The following SENP2 variants were observed in gnomAD, a reference collection of about 807,000 sequenced individuals.
SENP2 encodes the protein sentrin-specific protease 2.
SENP2 carries 16 observed loss-of-function variants against 86.3 expected under a neutral mutation model. The ratio of observed to expected loss-of-function variants is 0.19; its 90% CI spans 0.13 to 0.28. The LOEUF is 0.28. Among genes scored for constraint, SENP2 ranks in the 10% least tolerant of loss-of-function variants. The probability of loss-of-function intolerance (pLI) is 1.00; values close to 1 mark genes in which losing one functional copy is unlikely to be tolerated. For synonymous variants in SENP2, 222 were observed against 238.7 expected, an observed-to-expected ratio of 0.93 and a Z score of 0.64; for missense variants, 552 against 703.0, an observed-to-expected ratio of 0.79 and a Z score of 2.43.
intron 13 of SENP2, among the ~76,000 whole-genome samples, chr3:185,619,755 T>TA (rs1711770894): frequency 6.6e-6 from 1 of 152,062 alleles, no homozygotes; most frequent in Non-Finnish European, 1.5e-5. Context: ...ACAGACCAGG[T>TA]CTCGCTCTGT....
chr3:185,608,987 A>C (rs1722601649), intron 6 of SENP2: 1 of 282,258 alleles, frequency 3.5e-6, no homozygotes, highest in African/African-American at 2.2e-5. Flanking sequence ...AGATGCCATC[A>C]GAATTTAGCA....
In SENP2 at chr3:185,621,915, G is replaced by C. The variant is rs376702743; in HGVS notation, c.1526+10G>C. The stretch of plus-strand genomic sequence containing the variant: ...TCTGTGAGATTCTCCTGTAAGTAAA[G>C]GTTGAAAACCTCACTACCCCCTGTT... On this transcript the variant is annotated intron_variant, in intron 14 of 16. Coordinates refer to ENST00000296257, the MANE Select transcript of SENP2 (RefSeq NM_021627.3). The C allele has an allele frequency of 1.1e-5, 17 of 1,593,554 alleles. No homozygotes were observed. The highest frequency in any genetic ancestry group is 1.5e-5 in the Non-Finnish European group (17 of 1,162,878).
At chr3:185,611,539 A>G in intron 7 of SENP2, 112 bp from the exon 8 acceptor site, 1 of 617,766 alleles carries the variant, frequency 1.6e-6, no homozygotes, top group Middle Eastern at 2.7e-4. Context: ...AATTTGATAT[A>G]ATAGTGTAAT....
At position 185,629,777 on chromosome 3, in the gene SENP2, T is replaced by C; in HGVS notation, c.1708-5T>C. The C allele has an allele frequency of 1.2e-6, 2 of 1,614,166 alleles. No individual in the cohort carries two copies. Among genetic ancestry groups the C allele is most frequent in the Non-Finnish European group, 1.7e-6 (2 of 1,179,996 alleles). The stretch of plus-strand genomic sequence containing the variant: ...TGCGGGCGTTGTTTATGGGGTTCTT[T>C]GCAGCACCAGATGCCTCTCTTCCGG... On this transcript the variant is annotated splice_region_variant and splice_polypyrimidine_tract_variant and intron_variant, in intron 16 of 16. Transcript: ENST00000296257.
In SENP2 at chr3:185,600,758, T is replaced by TA; in HGVS notation, c.359-4dup. 1 of 1,556,994 alleles carries TA rather than the reference T, an allele frequency of 6.4e-7. No individual in the cohort carries two copies. Among genetic ancestry groups the TA allele is most frequent in the East Asian group, 2.2e-5 (1 of 44,546 alleles). On this transcript the variant is annotated splice_region_variant and splice_polypyrimidine_tract_variant and intron_variant, in intron 4 of 16. Coordinates refer to ENST00000296257, the MANE Select transcript of SENP2 (RefSeq NM_021627.3). ...ATTTTACAATTACAAATGCATTTTT[T>TA]AAATAGGTAATAAATCTCCTAATGG...
intron 5 of SENP2, among the ~76,000 whole-genome samples, chr3:185,603,385 G>A (rs189325478): frequency 1.2e-3 from 181 of 152,266 alleles, no homozygotes; most frequent in African/African-American, 3.3e-3. Context: ...CTGCAAAAAC[G>A]ATAGACTCTA....
intron 2 of SENP2, among the ~76,000 whole-genome samples, chr3:185,591,955 T>C (rs1722012753): frequency 6.8e-6 from 1 of 146,528 alleles, no homozygotes; most frequent in African/African-American, 2.5e-5. Context: ...AGGCTGAAAA[T>C]AGGCAGCAGT....
intron 2 of SENP2, among the ~76,000 whole-genome samples, chr3:185,598,133 C>G (rs1421428272): frequency 6.6e-6 from 1 of 152,166 alleles, no homozygotes; most frequent in African/African-American, 2.4e-5. Context: ...CCACCTCAGC[C>G]TCCCAGGTAG....
At chr3:185,628,771 G>T (rs1466592070) in intron 16 of SENP2, among the ~76,000 whole-genome samples, 2 of 152,212 alleles carry the variant, frequency 1.3e-5, no homozygotes, top group African/African-American at 2.4e-5. Context: ...CTCCCAAAGT[G>T]CTGGGATTAC....
intron 13 of SENP2, among the ~76,000 whole-genome samples, chr3:185,620,106 AAGCTGGCATGC>A (rs1054757516): frequency 9.4e-5 from 14 of 149,686 alleles, no homozygotes; most frequent in Middle Eastern, 6.8e-3. Context: ...TCTGCCACCC[AAGCTGGCATGC>A]AGTGGCACAA....
At chr3:185,622,962 T>C (rs1178011603) in intron 14 of SENP2, among the ~76,000 whole-genome samples, 1 of 151,544 alleles carries the variant, frequency 6.6e-6, no homozygotes, top group East Asian at 1.9e-4. Context: ...GAGTACAGGC[T>C]TCCGTCACTA....
intron 6 of SENP2, among the ~76,000 whole-genome samples, chr3:185,608,591 A>C (rs1325506715): frequency 1.3e-5 from 2 of 152,180 alleles, no homozygotes; most frequent in Non-Finnish European, 2.9e-5. Context: ...CACATTTCTG[A>C]ATCTTTAACC....
rs78013191 is a variant in SENP2, at chr3:185,625,439, A to T, written c.1612-859A>T. Among the ~76,000 whole-genome samples the T allele has an allele frequency of 5.6e-3, 853 of 151,716 alleles. 18 individuals carry two copies. Among genetic ancestry groups the T allele is most frequent in the Admixed American group, 0.028 (418 of 15,154 alleles). ...AGGCAAACTTTAAAAATCATAATCA[A>T]CTTCATTTCTTTGAGTAAAAATTGA... is the stretch of plus-strand genomic sequence containing the variant. On this transcript the variant is annotated intron_variant, in intron 15 of 16. Transcript: ENST00000296257.
At chr3:185,622,731 A>T (rs1711945983) in intron 14 of SENP2, among the ~76,000 whole-genome samples, 1 of 151,608 alleles carries the variant, frequency 6.6e-6, no homozygotes, top group African/African-American at 2.4e-5. Flanking sequence ...TCCCATGTAT[A>T]GAAATGTTCT....
intron 11 of SENP2, among the ~76,000 whole-genome samples, chr3:185,616,104 G>A (rs546645579): frequency 7.1e-4 from 104 of 145,706 alleles, no homozygotes; most frequent in Middle Eastern, 3.6e-3. Context: ...CTCATGATCC[G>A]CCCGTCTTGG....
At chr3:185,617,666 C>T in intron 12 of SENP2, 55 bp downstream of exon 12, 1 of 1,525,694 alleles carries the variant, frequency 6.6e-7, no homozygotes, top group Non-Finnish European at 8.9e-7. Flanking sequence ...TATTTATTAT[C>T]TATAATCAAA....
At chr3:185,610,610 G>C (rs913638579) in intron 7 of SENP2, among the ~76,000 whole-genome samples, 1 of 152,152 alleles carries the variant, frequency 6.6e-6, no homozygotes, top group Non-Finnish European at 1.5e-5. Context: ...TATGTTTAAC[G>C]AACTCTTAAC....
At chr3:185,587,898 C>G (rs1721847528) in intron 1 of SENP2, among the ~76,000 whole-genome samples, 1 of 150,822 alleles carries the variant, frequency 6.6e-6, no homozygotes, top group African/African-American at 2.4e-5. Context: ...CTGCACCCGG[C>G]TTATATTTTT....
intron 9 of SENP2, 140 bp downstream of exon 9, chr3:185,612,798 G>A (rs1181851451): frequency 3.4e-6 from 2 of 589,590 alleles, no homozygotes; most frequent in Non-Finnish European, 6.0e-6. Flanking sequence ...GGGTAGATAG[G>A]TAGCTAGCTG....
Sources: allele counts gnomAD v4.1 joint callset (sites outside exome capture counted in the v4.1 genomes callset), GRCh38; gene constraint gnomAD v4.1.1; transcripts MANE v1.5; gene names NCBI Gene and HGNC (gene_info 2026-07-23, HGNC 2026-07-21).